Variants in DPYS observed in about 807,000 individuals in gnomAD.
DPYS encodes dihydropyrimidinase.
DPYS carries 39 observed loss-of-function variants against 50.3 expected under a neutral mutation model. That is an observed-to-expected ratio of 0.78 (90% CI 0.60 to 1.01). The LOEUF (loss-of-function observed/expected upper bound fraction) is 1.01. DPYS is among the 50% of genes least tolerant of loss of function. The pLI, the probability that DPYS is intolerant of heterozygous loss-of-function variation, is 0.00. For missense variants in DPYS, 659 were observed against 680.9 expected (o/e 0.97, Z 0.36); for synonymous variants, 245 against 250.7 (o/e 0.98, Z 0.22).
intron 9 of DPYS, 44 bp from the exon 10 acceptor site, chr8:104,379,887 CAA>C (rs2140493579): frequency 2.2e-6 from 1 of 455,188 alleles, no homozygotes; most frequent in African/African-American, 2.0e-5. Flanking sequence ...TTCTCCCTCA[CAA>C]AGAGATGCAG....
chr8:104,390,594 T>G (rs1811356497), intron 8 of DPYS, among the ~76,000 whole-genome samples: 1 of 151,634 alleles, frequency 6.6e-6, no homozygotes, highest in Admixed American at 6.6e-5. Context: ...ACCTCCCAGG[T>G]TCAAGCTATT....
In DPYS at chr8:104,381,297, A is replaced by T. The variant is rs1451184535; in HGVS notation, c.1461T>A (p.Pro487=). The T allele has an allele frequency of 1.2e-6, 2 of 1,614,128 alleles. No individual in the cohort carries two copies. Among genetic ancestry groups the T allele is most frequent in the Non-Finnish European group, 8.5e-7 (1 of 1,179,966 alleles). The change falls in exon 9 of 10, where the codon CCT becomes CCA. Residue 487 remains proline (P), a synonymous_variant. Transcript: ENST00000351513. ...CTCCCTTATAGGGTGCACGCTCCACAGGGGTAGGTGTGCAAGTCTGAAAGA... is the reference window on the plus strand; with the variant it reads ...CTCCCTTATAGGGTGCACGCTCCACTGGGGTAGGTGTGCAAGTCTGAAAGA... The part of the protein sequence containing the change: ...KQRDRTCTPT[P]VERAPYKGEV...
In DPYS at chr8:104,380,842, A is replaced by G. The variant is rs571925501; in HGVS notation, c.*14+342T>C. 6 of 224,772 alleles carry G rather than the reference A, an allele frequency of 2.7e-5. No homozygotes were observed. In the Admixed American group the frequency reaches 3.0e-4, roughly 11 times the overall value. 13.9% of individuals were successfully genotyped at this position (224,772 alleles called of 1,614,324 possible). On this transcript the variant is annotated intron_variant, in intron 9 of 9. Coordinates refer to ENST00000351513, the MANE Select transcript of DPYS (RefSeq NM_001385.3). ...ATTTCTCCAGATAAGGTCCTAATTC[A>G]TTTGTAAATTTTGACCATGAAATTA...
intron 2 of DPYS, among the ~76,000 whole-genome samples, chr8:104,448,657 C>G (rs1167712384): frequency 6.6e-6 from 1 of 150,806 alleles, no homozygotes; most frequent in Non-Finnish European, 1.5e-5. Context: ...AATAAAAGTT[C>G]TTTCAACTTG....
chr8:104,457,783 T>C (rs1813979890), intron 1 of DPYS, among the ~76,000 whole-genome samples: 1 of 152,226 alleles, frequency 6.6e-6, no homozygotes, highest in African/African-American at 2.4e-5. Context: ...TCTTGCACAT[T>C]CCTGTCCATG....
chr8:104,402,712 G>A (rs113213251), intron 7 of DPYS, among the ~76,000 whole-genome samples: 1 of 152,252 alleles, frequency 6.6e-6, no homozygotes, highest in Non-Finnish European at 1.5e-5. Flanking sequence ...CAATAGGCCA[G>A]GGACTTATTG....
intron 4 of DPYS, 133 bp from the exon 5 acceptor site, chr8:104,429,834 A>C: frequency 8.8e-7 from 1 of 1,134,458 alleles, no homozygotes; most frequent in Non-Finnish European, 1.3e-6. Flanking sequence ...CCCAAACTAT[A>C]ATTTACTTTT....
intron 8 of DPYS, among the ~76,000 whole-genome samples, chr8:104,387,182 C>A (rs1423310036): frequency 1.3e-5 from 2 of 152,144 alleles, no homozygotes; most frequent in Admixed American, 1.3e-4. Flanking sequence ...ACCCAGGGCT[C>A]TGTGAATCAC....
At chr8:104,410,075 C>G (rs574490256) in intron 7 of DPYS, among the ~76,000 whole-genome samples, 1 of 152,260 alleles carries the variant, frequency 6.6e-6, no homozygotes, top group East Asian at 1.9e-4. Flanking sequence ...TGTATTGCAT[C>G]CAGCTGGCAC....
At chr8:104,393,907 C>G (rs1380065963) in intron 7 of DPYS, among the ~76,000 whole-genome samples, 1 of 152,102 alleles carries the variant, frequency 6.6e-6, no homozygotes, top group Non-Finnish European at 1.5e-5. Context: ...CACCCATCAC[C>G]CAAACAGTGT....
rs752452142 is a variant in DPYS at position 104,429,565 on chromosome 8, G to A, written c.930C>T (p.Phe310=). ...ATTACTTAGCCAACAGATTCATGAGGAAGTCGGGTGTTGAGGGGTCTGGTC... is the reference window on the plus strand; with the variant it reads ...ATTACTTAGCCAACAGATTCATGAGAAAGTCGGGTGTTGAGGGGTCTGGTC... ...PLRPDPSTPD[F]LMNLLANDDL... The change falls in exon 5 of 10, where the codon TTC becomes TTT. Residue 310 remains phenylalanine, a synonymous_variant. Transcript: ENST00000351513. 5 of 1,614,102 alleles carry A rather than the reference G, an allele frequency of 3.1e-6. No individual in the cohort carries two copies. The highest frequency in any genetic ancestry group is 1.7e-5 in the Admixed American group (1 of 60,004).
intron 7 of DPYS, among the ~76,000 whole-genome samples, chr8:104,406,520 CAAAA>C (rs1424099748): frequency 6.6e-6 from 1 of 152,188 alleles, no homozygotes; most frequent in East Asian, 1.9e-4. Context: ...GCCTCATGAC[CAAAA>C]GCAGCCACCC....
At chr8:104,453,032 C>T (rs2140742421) in intron 1 of DPYS, among the ~76,000 whole-genome samples, 1 of 152,154 alleles carries the variant, frequency 6.6e-6, no homozygotes, top group South Asian at 2.1e-4. Flanking sequence ...CTCTTTCCGG[C>T]CCCCACCACC....
At chr8:104,429,174 GAAAGTAACAGGGTT>G (rs1270926577) in intron 5 of DPYS, 4 of 221,762 alleles carry the variant, frequency 1.8e-5, no homozygotes, top group Admixed American at 1.1e-4. Flanking sequence ...TATGTTCCCA[GAAAGTAACAGGGTT>G]AACCTAGTTC....
At chr8:104,401,022 T>A (rs952408371) in intron 7 of DPYS, among the ~76,000 whole-genome samples, 2 of 152,208 alleles carry the variant, frequency 1.3e-5, no homozygotes, top group Admixed American at 6.5e-5. Context: ...GAAGAGAATT[T>A]CCTAGAGTAA....
At position 104,414,484 on chromosome 8, in the gene DPYS, T is replaced by C. The variant is rs191948344; in HGVS notation, c.1235+9763A>G. On this transcript the variant is annotated intron_variant, in intron 7 of 9. Transcript: ENST00000351513. ...TGTTGCTAGTCCAGAAACCATGCTT[T>C]GAGAACCTCTGCTCTTAAAAAAAAA... Among the ~76,000 whole-genome samples the C allele has an allele frequency of 1.2e-3, 180 of 152,242 alleles. 1 individual carries two copies. Among genetic ancestry groups the C allele is most frequent in the African/African-American group, 4.2e-3 (175 of 41,552 alleles).
In DPYS at chr8:104,424,294, A is replaced by G. The variant is rs1812646391; in HGVS notation, c.1188T>C (p.Ala396=). ...TAACAATGTCAGCATCTGATCCTAC[A>G]GCTATTCTTCCTTTTCTTGGATAGA... The part of the protein sequence containing the change: ...FNLYPRKGRI[A]VGSDADIVIW... Residue 396 remains alanine (A), a synonymous_variant, in exon 7 of 10, where the codon GCT becomes GCC. Transcript: ENST00000351513. 1.2e-6 allele frequency: 2 copies of G among 1,614,148 alleles called. No individual in the cohort carries two copies. Among genetic ancestry groups the G allele is most frequent in the Non-Finnish European group, 8.5e-7 (1 of 1,180,010 alleles).
intron 8 of DPYS, among the ~76,000 whole-genome samples, chr8:104,386,652 G>C (rs982236129): frequency 6.7e-6 from 1 of 149,888 alleles, no homozygotes; most frequent in African/African-American, 2.5e-5. Context: ...TTTTGAGACA[G>C]AGCCTCACTC....
intron 6 of DPYS, 21 bp downstream of exon 6, chr8:104,427,959 G>T: frequency 6.2e-7 from 1 of 1,613,736 alleles, no homozygotes; most frequent in Non-Finnish European, 8.5e-7. Flanking sequence ...GCAAAGCAAG[G>T]CTGGAACCTG....
Sources: gnomAD v4.1 joint callset for allele counts (sites outside exome capture counted in the v4.1 genomes callset) on GRCh38, gnomAD v4.1.1 for gene constraint, MANE v1.5 for transcripts, NCBI Gene and HGNC (gene_info 2026-07-23, HGNC 2026-07-21) for gene names.